SORCS1: variants seen among roughly 807,000 people sequenced by gnomAD.
SORCS1 encodes VPS10 domain-containing receptor SorCS1.
A neutral mutation model predicts 146.1 loss-of-function variants in SORCS1; 60 were observed. The ratio of observed to expected loss-of-function variants is 0.41; its 90% CI spans 0.33 to 0.51. The LOEUF (loss-of-function observed/expected upper bound fraction) is 0.51, where lower values mean the gene tolerates loss of function less well. Ranked by LOEUF, SORCS1 falls within the 20% of genes least tolerant of loss-of-function variation. The probability of loss-of-function intolerance (pLI) is 0.21; values close to 1 mark genes in which losing one functional copy is unlikely to be tolerated. For missense variants in SORCS1, 1,352 were observed against 1,487.6 expected (o/e 0.91, Z 1.50); for synonymous variants, 637 against 584.0 (o/e 1.09, Z -1.31).
At chr10:106,991,614 C>T (rs745765769) in intron 1 of SORCS1, among the ~76,000 whole-genome samples, 1 of 152,144 alleles carries the variant, frequency 6.6e-6, no homozygotes, top group Non-Finnish European at 1.5e-5. Flanking sequence ...TGGGTAAATC[C>T]ATGATTTTTG....
chr10:106,755,095 T>C (rs1275013766), intron 5 of SORCS1, among the ~76,000 whole-genome samples: 1 of 152,222 alleles, frequency 6.6e-6, no homozygotes, highest in East Asian at 1.9e-4. Context: ...CATCCTCCAG[T>C]AGAGAATTTG....
the SORCS1 span, among the ~76,000 whole-genome samples, chr10:107,178,337 C>G: frequency 3.3e-5 from 5 of 152,040 alleles, no homozygotes; most frequent in African/African-American, 1.2e-4. Context: ...CTCTCTACTA[C>G]CATGAGATTA....
intron 3 of SORCS1, among the ~76,000 whole-genome samples, chr10:106,797,286 G>A (rs1946619688): frequency 6.6e-6 from 1 of 151,970 alleles, no homozygotes; most frequent in Non-Finnish European, 1.5e-5. Context: ...AAACCTCTGA[G>A]CATTTTGGAA....
chr10:106,579,165 C>T, intron 25 of SORCS1: 2 of 1,614,132 alleles, frequency 1.2e-6, no homozygotes, highest in Non-Finnish European at 1.7e-6. Context: ...GACATTGGGC[C>T]TGCTTTCAGA....
At chr10:107,161,619 C>T (rs959559853) in intron 1 of SORCS1, among the ~76,000 whole-genome samples, 1 of 152,126 alleles carries the variant, frequency 6.6e-6, no homozygotes, top group Admixed American at 6.6e-5. Context: ...ACTCAACTTG[C>T]CTCGGTCAAA....
At chr10:107,122,946 T>C (rs1209613638) in intron 1 of SORCS1, among the ~76,000 whole-genome samples, 1 of 152,190 alleles carries the variant, frequency 6.6e-6, no homozygotes. Context: ...CTGTTCACTG[T>C]TACTGCTTTC....
intron 1 of SORCS1, among the ~76,000 whole-genome samples, chr10:107,006,342 G>A (rs1458474226): frequency 6.6e-6 from 1 of 152,010 alleles, no homozygotes; most frequent in South Asian, 2.1e-4. Context: ...AGGAAGACAG[G>A]GAGGAAAAAC....
intron 2 of SORCS1, among the ~76,000 whole-genome samples, chr10:106,954,672 C>G (rs1190603448): frequency 7.2e-5 from 11 of 152,150 alleles, no homozygotes; most frequent in Non-Finnish European, 1.3e-4. Context: ...CCTTGAATAC[C>G]AGCATGACTG....
chr10:106,926,640 TAAAC>T (rs1157249287), intron 2 of SORCS1, among the ~76,000 whole-genome samples: 1 of 152,012 alleles, frequency 6.6e-6, no homozygotes, highest in African/African-American at 2.4e-5. Flanking sequence ...AACAAGACAG[TAAAC>T]AAACTAGAGT....
chr10:106,705,609 C>A (rs989475657), intron 8 of SORCS1, among the ~76,000 whole-genome samples: 1 of 152,196 alleles, frequency 6.6e-6, no homozygotes, highest in South Asian at 2.1e-4. Context: ...CTCTTTAAAC[C>A]TGCATAGTCC....
At chr10:107,017,816 A>G (rs1957962495) in intron 1 of SORCS1, among the ~76,000 whole-genome samples, 1 of 151,828 alleles carries the variant, frequency 6.6e-6, no homozygotes, top group East Asian at 1.9e-4. Flanking sequence ...ACGCCCGGCT[A>G]TTTTTTTGTT....
rs375425138 is a variant in SORCS1, at chr10:107,100,236, G to A, written c.558+63733C>T. Among the ~76,000 whole-genome samples the A allele has an allele frequency of 7.2e-5, 11 of 152,168 alleles. No individual in the cohort carries two copies. The South Asian group carries it at 1.7e-3, about 23-fold the overall frequency. ...GTAATAAGAAATAAGTAAATAGGCC[G>A]GGTGCGGTGGCTCACGCCTGTAATC... is the stretch of plus-strand genomic sequence containing the variant. On this transcript the variant is annotated intron_variant, in intron 1 of 25. Coordinates refer to ENST00000263054, the MANE Select transcript of SORCS1 (RefSeq NM_052918.5).
chr10:106,849,220 C>T (rs1213482683), intron 2 of SORCS1, among the ~76,000 whole-genome samples: 7 of 150,958 alleles, frequency 4.6e-5, no homozygotes, highest in Admixed American at 4.6e-4. Context: ...CTTTCAGGTA[C>T]ACCAATCAGA....
At chr10:107,046,455 A>C (rs769742088) in intron 1 of SORCS1, among the ~76,000 whole-genome samples, 51 of 152,162 alleles carry the variant, frequency 3.4e-4, no homozygotes, top group Non-Finnish European at 5.6e-4. Flanking sequence ...TGTACTACTA[A>C]TAATATATCT....
At chr10:106,945,830 G>C (rs1246900193) in intron 2 of SORCS1, among the ~76,000 whole-genome samples, 1 of 152,220 alleles carries the variant, frequency 6.6e-6, no homozygotes, top group Non-Finnish European at 1.5e-5. Context: ...TGCAAGCTGA[G>C]GCCAGACTCT....
chr10:107,148,177 T>C (rs1459313692), intron 1 of SORCS1, among the ~76,000 whole-genome samples: 1 of 152,162 alleles, frequency 6.6e-6, no homozygotes, highest in African/African-American at 2.4e-5. Flanking sequence ...AAAAACACTC[T>C]CAAGTTGGCA....
At chr10:107,081,504 G>A (rs1397621313) in intron 1 of SORCS1, among the ~76,000 whole-genome samples, 1 of 152,176 alleles carries the variant, frequency 6.6e-6, no homozygotes, top group Non-Finnish European at 1.5e-5. Context: ...CTGTGGGTGA[G>A]AGACTTGAGA....
intron 3 of SORCS1, among the ~76,000 whole-genome samples, chr10:106,792,525 T>G (rs561858734): frequency 6.6e-6 from 1 of 152,252 alleles, no homozygotes; most frequent in Admixed American, 6.5e-5. Flanking sequence ...AAATTAGGCA[T>G]GGAGAGACAT....
Position 106,986,531 on chromosome 10 carries a change from T to TGTGC in SORCS1, c.559-29952_559-29951insGCAC, listed in dbSNP as rs1468772997. Reference sequence around the variant, plus strand: ...ACAACCGTGTGTGTGTGTGTGTGTGTGTGTGTGTGTGTGTGTGTCTGTGAG... The same window carrying TGTGC: ...ACAACCGTGTGTGTGTGTGTGTGTGTGTGCGTGTGTGTGTGTGTGTGTCTGTGAG... On this transcript the variant is annotated intron_variant, in intron 1 of 25. Coordinates refer to ENST00000263054, the MANE Select transcript of SORCS1 (RefSeq NM_052918.5). Among the ~76,000 whole-genome samples, 196 of 92,968 alleles carry TGTGC rather than the reference T, an allele frequency of 2.1e-3. 1 individual carries two copies. The highest frequency in any genetic ancestry group is 5.4e-3 in the African/African-American group (192 of 35,524). 61.0% of individuals were successfully genotyped at this position (92,968 alleles called of 152,430 possible). A position where few individuals can be genotyped will look rare whatever the true frequency, so the allele number is the denominator to read the frequency against.
Sources: gnomAD v4.1 joint callset for allele counts (sites outside exome capture counted in the v4.1 genomes callset) on GRCh38, gnomAD v4.1.1 for gene constraint, MANE v1.5 for transcripts, NCBI Gene and HGNC (gene_info 2026-07-23, HGNC 2026-07-21) for gene names.